LAMB1: variants seen among roughly 807,000 people sequenced by gnomAD.
LAMB1 encodes the protein laminin subunit beta-1.
Under a neutral mutation model 222.3 loss-of-function variants are expected in LAMB1, and 121 were observed. The observed-to-expected ratio is 0.54, with a 90% CI of 0.47 to 0.63. The LOEUF (loss-of-function observed/expected upper bound fraction) is 0.63, where lower values mean the gene tolerates loss of function less well. Ranked by LOEUF, LAMB1 falls within the 30% of genes least tolerant of loss-of-function variation. The pLI is 0.00. For missense variants in LAMB1, 2,172 were observed against 2,240.8 expected (o/e 0.97, Z 0.62); for synonymous variants, 794 against 807.2 (o/e 0.98, Z 0.28).
chr7:107,966,871 T>A (rs1234314582), intron 13 of LAMB1, among the ~76,000 whole-genome samples: 10 of 152,328 alleles, frequency 6.6e-5, no homozygotes, highest in East Asian at 1.9e-4. Context: ...GTGAAAGGAA[T>A]TCCCTTAACA....
intron 21 of LAMB1, 96 bp from the exon 22 acceptor site, chr7:107,953,850 C>G (rs372866134): frequency 9.6e-7 from 1 of 1,045,166 alleles, no homozygotes; most frequent in Non-Finnish European, 1.5e-6. Context: ...CTGATCGTGG[C>G]GGTGCTTCAT....
intron 31 of LAMB1, among the ~76,000 whole-genome samples, chr7:107,926,852 A>G (rs1476247926): frequency 3.9e-5 from 6 of 152,166 alleles, no homozygotes; most frequent in Admixed American, 2.0e-4. Context: ...TTGAATTTCT[A>G]TAGAATTGTG....
chr7:107,975,078 C>A lies in LAMB1; in HGVS notation c.1390G>T (p.Gly464Ter). The change falls in exon 12 of 34, where the codon GGA (glycine) becomes TGA (stop). Residue 464 changes from glycine to a stop codon, truncating the protein, a stop_gained. Transcript: ENST00000222399. LOFTEE classifies it high-confidence loss of function. The part of the protein sequence containing the change: ...GCKSCACNPL[G>*]TIPGGNPCDS... ...CAAGGATTCCCTCCAGGAATTGTTCCCAGAGGATTGCAAGCACAAGCTGTA... is the reference window on the plus strand; with the variant it reads ...CAAGGATTCCCTCCAGGAATTGTTCACAGAGGATTGCAAGCACAAGCTGTA... The A allele has an allele frequency of 6.2e-7, 1 of 1,611,506 alleles. No homozygotes were observed. The highest frequency in any genetic ancestry group is 8.5e-7 in the Non-Finnish European group (1 of 1,177,734).
At position 107,937,195 on chromosome 7, in the gene LAMB1, C is replaced by T. The variant is rs767881160; in HGVS notation, c.3844G>A (p.Ala1282Thr). The T allele has an allele frequency of 1.2e-6, 2 of 1,613,954 alleles. No homozygotes were observed. Among genetic ancestry groups the T allele is most frequent in the Admixed American group, 1.7e-5 (1 of 60,030 alleles). ...SDTTSQSNSTAKELDSLQTEA... is the reference protein window; with the variant it reads ...SDTTSQSNSTTKELDSLQTEA... Reference sequence around the variant, plus strand: ...GTCTGTAGAGAATCCAGTTCTTTGGCTGTGCTGTTGCTTTGGGAAGTTGTG... The same window carrying T: ...GTCTGTAGAGAATCCAGTTCTTTGGTTGTGCTGTTGCTTTGGGAAGTTGTG... The change falls in exon 26 of 34, where the codon GCC becomes ACC. Residue 1282 changes from alanine (A) to threonine (T), a missense_variant. Ala to Thr is a moderately conservative substitution (Grantham distance 58). Coordinates refer to ENST00000222399, the MANE Select transcript of LAMB1 (RefSeq NM_002291.3).
At chr7:108,001,766 A>C (rs2034390450) in intron 2 of LAMB1, 33 bp from the exon 3 acceptor site, 2 of 1,608,504 alleles carry the variant, frequency 1.2e-6, no homozygotes, top group Non-Finnish European at 1.7e-6. Flanking sequence ...AGTTGGGGGG[A>C]CACAAGCAGG....
intron 7 of LAMB1, among the ~76,000 whole-genome samples, chr7:107,985,636 A>G (rs1200228718): frequency 2.8e-5 from 4 of 143,460 alleles, no homozygotes; most frequent in African/African-American, 1.1e-4. Flanking sequence ...TCTCAAAAAA[A>G]CAAAACAAAA....
chr7:107,970,513 G>GC (rs1390675121), intron 13 of LAMB1, among the ~76,000 whole-genome samples: 1 of 140,780 alleles, frequency 7.1e-6, no homozygotes, highest in Non-Finnish European at 1.5e-5. Flanking sequence ...AAAGGGGGGG[G>GC]TGGGCTTCAA....
At position 107,955,537 on chromosome 7, in the gene LAMB1, C is replaced by G. The variant is rs1306955949; in HGVS notation, c.2784G>C (p.Gln928His). 5.0e-6 allele frequency: 8 copies of G among 1,613,998 alleles called. No homozygotes were observed. Among genetic ancestry groups the G allele is most frequent in the South Asian group, 1.1e-5 (1 of 91,082 alleles). Residue 928 changes from glutamine (Q) to histidine (H), a missense_variant, in exon 21 of 34, where the codon CAG becomes CAC. Transcript: ENST00000222399. Reference sequence around the variant, plus strand: ...GATCTTGGTAGCAGCTCCTGGCAAACTGGCGTCCACTGTCGGGACCATCTG... The same window carrying G: ...GATCTTGGTAGCAGCTCCTGGCAAAGTGGCGTCCACTGTCGGGACCATCTG... ...PCPDGPDSGR[Q>H]FARSCYQDPV...
chr7:107,975,895 C>T lies in LAMB1; in HGVS notation c.1001-18G>A, dbSNP rs765339271. On this transcript the variant is annotated intron_variant, in intron 9 of 33. Coordinates refer to ENST00000222399, the MANE Select transcript of LAMB1 (RefSeq NM_002291.3). ...GTTACATTCTGCGTGACAAGAGCAA[C>T]GTCAAGAAAAGCTTTTTAAATCTAT... 1.2e-5 allele frequency: 19 copies of T among 1,607,806 alleles called. No homozygotes were observed. The highest frequency in any genetic ancestry group is 8.0e-5 in the African/African-American group (6 of 74,718).
At chr7:107,953,422 A>G (rs1410313063) in intron 22 of LAMB1, 108 bp downstream of exon 22, 18 of 892,202 alleles carry the variant, frequency 2.0e-5, no homozygotes, top group Non-Finnish European at 2.8e-5. Context: ...ACCTCTCTGA[A>G]CAAGTGTTTT....
In LAMB1 at chr7:107,926,353, A is replaced by T; in HGVS notation, c.4894T>A (p.Ser1632Thr). 6.2e-7 allele frequency: 1 copy of T among 1,613,432 alleles called. No homozygotes were observed. Among genetic ancestry groups the T allele is most frequent in the Non-Finnish European group, 8.5e-7 (1 of 1,179,528 alleles). Residue 1632 changes from serine to threonine, a missense_variant, in exon 32 of 34, where the codon TCT becomes ACT. Transcript: ENST00000222399. ...GTQNLLTSIE[S>T]ETAASEETLF... The stretch of plus-strand genomic sequence containing the variant: ...GTTTCCTCAGAAGCTGCTGTTTCAG[A>T]CTCAATCTAAAAGCATGTCAATTTT...
rs1020424501 is a variant in LAMB1 at position 107,929,000 on chromosome 7, G to C, written c.4887+64C>G. 4.1e-6 allele frequency: 6 copies of C among 1,458,678 alleles called. No individual in the cohort carries two copies. In the African/African-American group the frequency reaches 8.5e-5, roughly 21 times the overall value. 90.4% of individuals were successfully genotyped at this position (1,458,678 alleles called of 1,614,324 possible). ...GAATTTCTGTTCATAGATAACAAATGTACTTTTCTGGTAAGTGTATATGTA... is the reference window on the plus strand; with the variant it reads ...GAATTTCTGTTCATAGATAACAAATCTACTTTTCTGGTAAGTGTATATGTA... On this transcript the variant is annotated intron_variant, in intron 31 of 33. Transcript: ENST00000222399.
At chr7:107,933,371 A>C (rs1172176351) in intron 27 of LAMB1, among the ~76,000 whole-genome samples, 1 of 152,242 alleles carries the variant, frequency 6.6e-6, no homozygotes, top group Non-Finnish European at 1.5e-5. Flanking sequence ...ACAATCAACT[A>C]TTTAGCCTAA....
intron 15 of LAMB1, 134 bp downstream of exon 15, chr7:107,962,771 T>G: frequency 1.3e-5 from 7 of 527,240 alleles, no homozygotes; most frequent in Non-Finnish European, 1.3e-5. Context: ...ATGGAGGAGG[T>G]GAGACTATAG....
intron 27 of LAMB1, 180 bp from the exon 28 acceptor site, chr7:107,932,557 C>T (rs2032740132): frequency 4.9e-6 from 3 of 609,922 alleles, no homozygotes; most frequent in African/African-American, 3.7e-5. Flanking sequence ...GTAAACTAAC[C>T]TGCTTATTTC....
chr7:107,964,579 A>G lies in LAMB1; in HGVS notation c.1671T>C (p.Tyr557=), dbSNP rs2150431310. The change falls in exon 14 of 34, where the codon TAT becomes TAC. Residue 557 remains tyrosine, a synonymous_variant. Transcript: ENST00000222399. The part of the protein sequence containing the change: ...YYFATLDHYL[Y]EAEEANLGPG... ...GCCCCAAGTTGGCTTCCTCCGCTTC[A>G]TAGAGGTAGTGATCCAGGGTGGCAA... 1 of 1,614,148 alleles carries G rather than the reference A, an allele frequency of 6.2e-7. No individual in the cohort carries two copies.
chr7:108,002,748 C>G, intron 2 of LAMB1, 101 bp downstream of exon 2: 1 of 1,521,624 alleles, frequency 6.6e-7, no homozygotes, highest in Non-Finnish European at 9.0e-7. Flanking sequence ...AGTCCCTCTC[C>G]CAAGCCCCCA....
chr7:107,953,414 C>G, intron 22 of LAMB1, 116 bp downstream of exon 22: 1 of 783,572 alleles, frequency 1.3e-6, no homozygotes, highest in Admixed American at 2.8e-5. Flanking sequence ...GAAATTTTAC[C>G]TCTCTGAACA....
At chr7:107,988,780 G>A (rs2034129271) in intron 5 of LAMB1, among the ~76,000 whole-genome samples, 2 of 152,198 alleles carry the variant, frequency 1.3e-5, no homozygotes, top group Admixed American at 1.3e-4. Context: ...GGAAGACCAT[G>A]TGAAGACACA....
Sources: allele counts gnomAD v4.1 joint callset (sites outside exome capture counted in the v4.1 genomes callset), GRCh38; gene constraint gnomAD v4.1.1; transcripts MANE v1.5; gene names NCBI Gene and HGNC (gene_info 2026-07-23, HGNC 2026-07-21).